The following POC1B variants were observed in gnomAD, a reference collection of about 807,000 sequenced individuals.
The protein encoded by POC1B is POC1 centriolar protein B.
POC1B carries 44 observed loss-of-function variants against 60.6 expected under a neutral mutation model. The observed-to-expected ratio is 0.73, with a 90% confidence interval of 0.57 to 0.93. The LOEUF (loss-of-function observed/expected upper bound fraction) is 0.93. POC1B is among the 40% of genes least tolerant of loss of function. The pLI is 0.00. For missense variants in POC1B, 555 were observed against 572.3 expected, an observed-to-expected ratio of 0.97 and a Z score of 0.31; for synonymous variants, 180 against 198.9, an observed-to-expected ratio of 0.90 and a Z score of 0.80.
chr12:89,507,290 A>G (rs930927521), intron 2 of POC1B, among the ~76,000 whole-genome samples: 1 of 150,720 alleles, frequency 6.6e-6, no homozygotes, highest in Non-Finnish European at 1.5e-5. Context: ...AAAAAAAAAA[A>G]AACTATGAAA....
downstream of POC1B, among the ~76,000 whole-genome samples, chr12:89,415,313 T>G (rs966202310): frequency 1.3e-5 from 2 of 152,188 alleles, no homozygotes; most frequent in Non-Finnish European, 2.9e-5. Flanking sequence ...AATCATACTT[T>G]TTGGAAATGG....
chr12:89,466,413 A>G (rs1343033273), intron 9 of POC1B, among the ~76,000 whole-genome samples: 2 of 152,172 alleles, frequency 1.3e-5, no homozygotes, highest in Non-Finnish European at 2.9e-5. Flanking sequence ...ACCTATTTCA[A>G]TAACCATTAT....
intron 2 of POC1B, chr12:89,502,252 C>T (rs1292573162): frequency 1.9e-5 from 27 of 1,439,640 alleles, no homozygotes; most frequent in Middle Eastern, 1.8e-4. Context: ...TGACTCAAAA[C>T]GAACTAAAGT....
At chr12:89,522,306 G>A (rs1478862892) in intron 2 of POC1B, 8 of 396,910 alleles carry the variant, frequency 2.0e-5, no homozygotes, top group Non-Finnish European at 3.5e-5. Flanking sequence ...TTTTCTTTTT[G>A]ATTAGAAAAA....
intron 2 of POC1B, chr12:89,500,878 A>G: frequency 9.3e-7 from 1 of 1,073,760 alleles, no homozygotes; most frequent in Non-Finnish European, 1.4e-6. Context: ...TGACAAGCTA[A>G]AAAAAGTTTT....
intron 10 of POC1B, among the ~76,000 whole-genome samples, chr12:89,430,558 C>T (rs560880412): frequency 1.1e-4 from 17 of 152,268 alleles, no homozygotes; most frequent in Admixed American, 1.1e-3. Context: ...ATTATATCTA[C>T]TCCCCTTCCT....
intron 10 of POC1B, among the ~76,000 whole-genome samples, chr12:89,455,945 AAAGT>A (rs1272529772): frequency 1.3e-5 from 2 of 152,212 alleles, no homozygotes; most frequent in Non-Finnish European, 2.9e-5. Context: ...AAAGATAAAA[AAAGT>A]AATAACCCTA....
chr12:89,521,261 A>C (rs1017979165), intron 2 of POC1B: 4 of 152,204 alleles, frequency 2.6e-5, no homozygotes, highest in African/African-American at 4.8e-5. Flanking sequence ...CCGCCACCAC[A>C]GCTGGCTAAT....
At chr12:89,495,127 C>T (rs957497306) in intron 3 of POC1B, among the ~76,000 whole-genome samples, 1 of 152,178 alleles carries the variant, frequency 6.6e-6, no homozygotes, top group Non-Finnish European at 1.5e-5. Context: ...ACTAGGGACA[C>T]CTACACAAGC....
Position 89,466,774 on chromosome 12 carries a change from A to G in POC1B, c.1028T>C (p.Val343Ala). The part of the protein sequence containing the change: ...PHPHEEKVET[V>A]EINPKLEVID... Reference sequence around the variant, plus strand: ...AAATATGAACAAAATACTCACTTCTACAGTCTCAACTTTTTCCTCATGGGG... The same window carrying G: ...AAATATGAACAAAATACTCACTTCTGCAGTCTCAACTTTTTCCTCATGGGG... The change falls in exon 9 of 12, where the codon GTA (valine) becomes GCA (alanine). Residue 343 changes from valine to alanine, a missense_variant. Val to Ala is a moderately conservative substitution (Grantham distance 64, BLOSUM62 0). Transcript: ENST00000313546. 1 of 1,611,310 alleles carries G rather than the reference A, an allele frequency of 6.2e-7. No homozygotes were observed. The highest frequency in any genetic ancestry group is 8.5e-7 in the Non-Finnish European group (1 of 1,178,384).
intron 10 of POC1B, among the ~76,000 whole-genome samples, chr12:89,443,969 T>C (rs968620260): frequency 6.6e-6 from 1 of 152,016 alleles, no homozygotes; most frequent in Non-Finnish European, 1.5e-5. Flanking sequence ...GAAAATAACA[T>C]AAACACTTCT....
At chr12:89,473,041 G>A (rs975904141) in intron 4 of POC1B, among the ~76,000 whole-genome samples, 1 of 151,914 alleles carries the variant, frequency 6.6e-6, no homozygotes, top group African/African-American at 2.4e-5. Context: ...GAAGACCACA[G>A]AGAAAATAAA....
In POC1B at chr12:89,420,379, T is replaced by G. The variant is rs534151836; in HGVS notation, c.*774A>C. 6.6e-6 allele frequency: 1 copy of G among 152,314 alleles called. No homozygotes were observed. The highest frequency in any genetic ancestry group is 1.9e-4 in the East Asian group (1 of 5,188). The allele number at this position is 152,314 out of a possible 1,614,324, so 9.4% of individuals were successfully genotyped here. A position where few individuals can be genotyped will look rare whatever the true frequency, so the allele number is the denominator to read the frequency against. On this transcript the variant is annotated 3_prime_UTR_variant, in exon 12 of 12. Transcript: ENST00000313546. ...ATATCACTTTTGTATCACTCTGACT[T>G]TTTAGCATACTGAAAACACACTAAC... is the stretch of plus-strand genomic sequence containing the variant.
At chr12:89,418,588 T>C (rs1009269245), downstream of POC1B, among the ~76,000 whole-genome samples, 5 of 152,008 alleles carry the variant, frequency 3.3e-5, no homozygotes, top group Admixed American at 1.3e-4. Flanking sequence ...TAAGGGGAGT[T>C]GTTTGGGTCA....
At chr12:89,434,794 C>T (rs1492911) in intron 10 of POC1B, among the ~76,000 whole-genome samples, 114,327 of 152,062 alleles carry the variant, frequency 0.75, 43,076 homozygotes, top group Middle Eastern at 0.8. Flanking sequence ...GAATCTTTTA[C>T]ACAACATGCT....
chr12:89,474,256 TCTTA>T (rs1441118547), intron 4 of POC1B, among the ~76,000 whole-genome samples: 1 of 151,948 alleles, frequency 6.6e-6, no homozygotes, highest in Admixed American at 6.6e-5. Flanking sequence ...GATCAAATTG[TCTTA>T]CTTACTAAGC....
At chr12:89,446,333 A>G (rs1443545106) in intron 10 of POC1B, among the ~76,000 whole-genome samples, 2 of 152,188 alleles carry the variant, frequency 1.3e-5, no homozygotes, top group Admixed American at 6.5e-5. Flanking sequence ...TATTCACAAT[A>G]CAAAGACTTG....
intron 10 of POC1B, among the ~76,000 whole-genome samples, chr12:89,440,054 C>T (rs192232142): frequency 2.6e-5 from 4 of 152,304 alleles, no homozygotes; most frequent in Admixed American, 6.5e-5. Context: ...CCACATGCAT[C>T]CCCCATCCCC....
intron 3 of POC1B, among the ~76,000 whole-genome samples, chr12:89,494,597 G>A (rs1460720947): frequency 6.6e-6 from 1 of 152,184 alleles, no homozygotes; most frequent in African/African-American, 2.4e-5. Context: ...GGTGGAGTCT[G>A]TTTATTTCTC....
Sources: allele counts gnomAD v4.1 joint callset (sites outside exome capture counted in the v4.1 genomes callset), GRCh38; gene constraint gnomAD v4.1.1; transcripts MANE v1.5; gene names NCBI Gene and HGNC (gene_info 2026-07-23, HGNC 2026-07-21).